The following SBF2 variants were observed in gnomAD, a reference collection of about 807,000 sequenced individuals.
SBF2 encodes the protein SET binding factor 2.
A neutral mutation model predicts 225.2 loss-of-function variants in SBF2; 112 were observed. That is an observed-to-expected ratio of 0.50 (90% CI 0.43 to 0.58). The LOEUF is 0.58. SBF2 is among the 20% of genes least tolerant of loss of function. SBF2 has a pLI of 0.00. For missense variants in SBF2, 1,996 were observed against 2,206.2 expected, an observed-to-expected ratio of 0.90 and a Z score of 1.91; for synonymous variants, 763 against 773.3, an observed-to-expected ratio of 0.99 and a Z score of 0.22.
intron 2 of SBF2, among the ~76,000 whole-genome samples, chr11:10,113,720 T>G (rs1374308067): frequency 6.6e-6 from 1 of 152,088 alleles, no homozygotes; most frequent in Non-Finnish European, 1.5e-5. Context: ...ATTTTATATT[T>G]TCTGGAAATA....
intron 28 of SBF2, among the ~76,000 whole-genome samples, chr11:9,822,151 ATAT>A (rs2133919861): frequency 6.6e-6 from 1 of 152,218 alleles, no homozygotes; most frequent in Non-Finnish European, 1.5e-5. Context: ...TTAAAAGTCT[ATAT>A]TATTTTTTAA....
At chr11:10,214,507 C>T (rs1277905923) in intron 1 of SBF2, among the ~76,000 whole-genome samples, 3 of 152,174 alleles carry the variant, frequency 2.0e-5, no homozygotes. Flanking sequence ...CCTGTAGTCC[C>T]AGCTACTCGG....
intron 1 of SBF2, 64 bp downstream of exon 1, chr11:10,293,951 G>A (rs1964345630): frequency 8.4e-7 from 1 of 1,191,830 alleles, no homozygotes; most frequent in Non-Finnish European, 1.1e-6. Context: ...CGGCCCCGCG[G>A]AGCCCACTGG....
intron 18 of SBF2, among the ~76,000 whole-genome samples, chr11:9,857,924 G>C (rs1857436222): frequency 1.3e-5 from 2 of 152,074 alleles, no homozygotes; most frequent in Admixed American, 1.3e-4. Flanking sequence ...GTTGCATAGA[G>C]AAGTATGCCT....
intron 16 of SBF2, among the ~76,000 whole-genome samples, chr11:9,937,754 T>A (rs1443838342): frequency 6.6e-6 from 1 of 151,974 alleles, no homozygotes; most frequent in East Asian, 1.9e-4. Flanking sequence ...AATAAGAGAA[T>A]TCGGTAAAAT....
intron 26 of SBF2, 115 bp downstream of exon 26, chr11:9,839,380 GTTC>G (rs1291663521): frequency 5.9e-6 from 6 of 1,010,088 alleles, no homozygotes; most frequent in Non-Finnish European, 9.4e-6. Flanking sequence ...TGGAGACCTT[GTTC>G]TTATTTTCAG....
rs972459700 is a variant in SBF2 at position 9,855,512 on chromosome 11, C to T, written c.2363+946G>A. On this transcript the variant is annotated intron_variant, in intron 19 of 39. Transcript: ENST00000256190. ...TACCAGGATGTTGCGGCACCCATCA[C>T]TGAAGCTCTAAGGATAGAATTTCAC... Among the ~76,000 whole-genome samples, 8 of 152,158 alleles carry T rather than the reference C, an allele frequency of 5.3e-5. No homozygotes were observed. The East Asian group carries it at 1.3e-3, about 26-fold the overall frequency.
intron 17 of SBF2, among the ~76,000 whole-genome samples, chr11:9,876,052 A>C (rs965627036): frequency 1.1e-4 from 16 of 152,320 alleles, no homozygotes; most frequent in Middle Eastern, 3.4e-3. Context: ...GCAGTGCTGA[A>C]GCCAGCATCA....
intron 2 of SBF2, among the ~76,000 whole-genome samples, chr11:10,146,444 C>T (rs186763686): frequency 6.6e-6 from 1 of 151,912 alleles, no homozygotes; most frequent in Admixed American, 6.6e-5. Flanking sequence ...CAATCTTGAA[C>T]AAAGCCGACA....
intron 16 of SBF2, among the ~76,000 whole-genome samples, chr11:9,944,747 G>A (rs13377319): frequency 0.013 from 2,024 of 152,222 alleles, 46 homozygotes; most frequent in African/African-American, 0.045. Context: ...GCAATTTACA[G>A]GTTCAATGCT....
chr11:10,094,162 C>G lies in SBF2; in HGVS notation c.142-51181G>C, dbSNP rs564042708. 1.0e-3 allele frequency among the ~76,000 whole-genome samples: 154 copies of G among 152,180 alleles called. 1 individual carries two copies. Among genetic ancestry groups the G allele is most frequent in the African/African-American group, 3.6e-3 (149 of 41,530 alleles). On this transcript the variant is annotated intron_variant, in intron 2 of 39. Coordinates refer to ENST00000256190, the MANE Select transcript of SBF2 (RefSeq NM_030962.4). ...CCTGACCAACATGGTGAAACTCTGT[C>G]TCTACTAAAAATACAAAATTAGTGG...
intron 1 of SBF2, among the ~76,000 whole-genome samples, chr11:10,229,808 T>G (rs1382883414): frequency 1.3e-5 from 2 of 152,032 alleles, no homozygotes; most frequent in Non-Finnish European, 2.9e-5. Flanking sequence ...GGGTGGAGAG[T>G]TCTGTAGATG....
chr11:10,270,633 T>C (rs1962394071), intron 1 of SBF2, among the ~76,000 whole-genome samples: 1 of 152,186 alleles, frequency 6.6e-6, no homozygotes, highest in Non-Finnish European at 1.5e-5. Context: ...AAGCTTCCAA[T>C]AACATGCAGA....
intron 27 of SBF2, 28 bp from the exon 28 acceptor site, chr11:9,829,524 A>G (rs1564890186): frequency 6.4e-7 from 1 of 1,552,470 alleles, no homozygotes; most frequent in Admixed American, 1.7e-5. Context: ...ATTGAATAAA[A>G]TAAACTGTCT....
At chr11:9,784,923 C>G (rs1361344046) in intron 37 of SBF2, 2 of 618,746 alleles carry the variant, frequency 3.2e-6, no homozygotes, top group Non-Finnish European at 5.7e-6. Context: ...ATAACTACAA[C>G]CTCTTCGAAT....
chr11:10,277,699 A>T (rs906212454), intron 1 of SBF2, among the ~76,000 whole-genome samples: 1 of 152,164 alleles, frequency 6.6e-6, no homozygotes, highest in Non-Finnish European at 1.5e-5. Context: ...ATCTTTATAA[A>T]AGAAAAGAAA....
chr11:10,280,983 C>A (rs757490136), intron 1 of SBF2, among the ~76,000 whole-genome samples: 1 of 152,186 alleles, frequency 6.6e-6, no homozygotes, highest in Admixed American at 6.5e-5. Context: ...TGATCGCTAT[C>A]TGCCACACCT....
intron 23 of SBF2, among the ~76,000 whole-genome samples, chr11:9,846,285 G>T (rs1856543224): frequency 6.6e-6 from 1 of 152,186 alleles, no homozygotes; most frequent in South Asian, 2.1e-4. Context: ...TAGCATAGAA[G>T]CCAATAGGAG....
chr11:10,211,517 CA>C (rs1957943924), intron 1 of SBF2, among the ~76,000 whole-genome samples: 1 of 152,156 alleles, frequency 6.6e-6, no homozygotes, highest in African/African-American at 2.4e-5. Context: ...TCAGGTCCTC[CA>C]ATTTTTTATG....
Sources: gnomAD v4.1 joint callset for allele counts (sites outside exome capture counted in the v4.1 genomes callset) on GRCh38, gnomAD v4.1.1 for gene constraint, MANE v1.5 for transcripts, NCBI Gene and HGNC (gene_info 2026-07-23, HGNC 2026-07-21) for gene names.